LGSN: variants seen among roughly 807,000 people sequenced by gnomAD.
The protein encoded by LGSN is lengsin, lens protein with glutamine synthetase domain, also known as lengsin.
LGSN carries 21 observed loss-of-function variants against 19.5 expected under a neutral mutation model. That is an observed-to-expected ratio of 1.07 (90% confidence interval 0.76 to 1.55). LGSN has a LOEUF of 1.55. LGSN is among the 40% of genes most tolerant of loss of function. LGSN has a pLI of 0.00. For synonymous variants in LGSN, 257 were observed against 215.6 expected, an observed-to-expected ratio of 1.19 and a Z score of -1.68; for missense variants, 673 against 608.5, an observed-to-expected ratio of 1.11 and a Z score of -1.12.
the LGSN span, among the ~76,000 whole-genome samples, chr6:63,415,955 T>A: frequency 6.6e-6 from 1 of 152,182 alleles, no homozygotes; most frequent in Admixed American, 6.6e-5. Context: ...GGCCATTCAT[T>A]GATCTAATAG....
At chr6:63,512,073 G>A in the LGSN span, among the ~76,000 whole-genome samples, 8 of 138,206 alleles carry the variant, frequency 5.8e-5, no homozygotes, top group African/African-American at 8.9e-5. Flanking sequence ...TCTTTCCTTC[G>A]CTCCATGTTC....
the LGSN span, among the ~76,000 whole-genome samples, chr6:63,399,514 C>T: frequency 6.6e-6 from 1 of 151,522 alleles, no homozygotes; most frequent in South Asian, 2.1e-4. Context: ...CCTGCCTCAG[C>T]CTCCTGAGTA....
the LGSN span, among the ~76,000 whole-genome samples, chr6:63,340,842 G>T: frequency 2.7e-5 from 4 of 149,440 alleles, no homozygotes; most frequent in African/African-American, 1.0e-4. Context: ...TATGGTTTGT[G>T]TGTGTGTGTG....
chr6:63,407,571 T>G, the LGSN span, among the ~76,000 whole-genome samples: 1 of 152,140 alleles, frequency 6.6e-6, no homozygotes, highest in Non-Finnish European at 1.5e-5. Flanking sequence ...ACAGCCAATA[T>G]CATACTGAAT....
the LGSN span, among the ~76,000 whole-genome samples, chr6:63,438,715 G>A: frequency 1.3e-5 from 2 of 152,212 alleles, no homozygotes; most frequent in Admixed American, 6.5e-5. Context: ...ACAGGTGCTG[G>A]AGAGGATGTG....
At chr6:63,450,580 T>C in the LGSN span, among the ~76,000 whole-genome samples, 1 of 151,242 alleles carries the variant, frequency 6.6e-6, no homozygotes, top group East Asian at 1.9e-4. Context: ...AAATAATTTT[T>C]TAAAAAACGT....
At chr6:63,407,770 C>T in the LGSN span, among the ~76,000 whole-genome samples, 2 of 152,210 alleles carry the variant, frequency 1.3e-5, no homozygotes, top group East Asian at 1.9e-4. Context: ...GATTGTATAT[C>T]TAGAAAACCC....
the LGSN span, among the ~76,000 whole-genome samples, chr6:63,432,407 C>T: frequency 6.6e-6 from 1 of 151,848 alleles, no homozygotes; most frequent in African/African-American, 2.4e-5. Context: ...ATAAATTTTT[C>T]TAGGCTGAGC....
the LGSN span, among the ~76,000 whole-genome samples, chr6:63,523,596 T>C: frequency 6.6e-6 from 1 of 152,200 alleles, no homozygotes; most frequent in African/African-American, 2.4e-5. Context: ...TCCATGTCAA[T>C]CTACTATAAG....
the LGSN span, among the ~76,000 whole-genome samples, chr6:63,363,240 G>A: frequency 1.6e-4 from 24 of 152,320 alleles, no homozygotes; most frequent in African/African-American, 5.1e-4. Flanking sequence ...CACAAAGATG[G>A]AGAGAAACCA....
the LGSN span, among the ~76,000 whole-genome samples, chr6:63,335,668 T>C: frequency 2.0e-5 from 3 of 151,962 alleles, no homozygotes; most frequent in Non-Finnish European, 4.4e-5. Context: ...ATAAATAACA[T>C]GTTGAAGAGA....
the LGSN span, among the ~76,000 whole-genome samples, chr6:63,406,257 A>G: frequency 3.3e-5 from 5 of 152,300 alleles, no homozygotes; most frequent in South Asian, 8.3e-4. Flanking sequence ...CCTATTCCAA[A>G]AGTGACCACG....
At chr6:63,419,626 C>T in the LGSN span, among the ~76,000 whole-genome samples, 2 of 152,032 alleles carry the variant, frequency 1.3e-5, no homozygotes, top group African/African-American at 4.8e-5. Context: ...GGGTGGCTCA[C>T]GCCTGTAATC....
the LGSN span, among the ~76,000 whole-genome samples, chr6:63,457,920 A>G: frequency 6.6e-6 from 1 of 152,162 alleles, no homozygotes; most frequent in Admixed American, 6.5e-5. Flanking sequence ...AATTCAAATC[A>G]GATTTAACTA....
chr6:63,505,633 G>GAAATAAAT, the LGSN span, among the ~76,000 whole-genome samples: 1,616 of 97,216 alleles, frequency 0.017, 197 homozygotes, highest in African/African-American at 0.034. Context: ...AAGAAAGAAA[G>GAAATAAAT]AAATTCTGGC....
the LGSN span, among the ~76,000 whole-genome samples, chr6:63,562,207 T>TC: frequency 6.6e-6 from 1 of 151,444 alleles, no homozygotes; most frequent in East Asian, 1.9e-4. Flanking sequence ...TTTTCTTTTT[T>TC]TTTTTTTTTG....
the LGSN span, chr6:63,572,838 C>T: frequency 2.5e-5 from 10 of 394,820 alleles, no homozygotes; most frequent in African/African-American, 1.9e-4. Context: ...GTTGCGGTTC[C>T]GGTGGGTCCC....
intron 2 of LGSN, among the ~76,000 whole-genome samples, chr6:63,287,402 T>C (rs1275418041): frequency 3.9e-5 from 6 of 152,110 alleles, no homozygotes; most frequent in Admixed American, 2.6e-4. Flanking sequence ...TTTTAAAATA[T>C]GGAAATTTGG....
chr6:63,412,486 G>GAAAGAAAGAAAGAAAGAAAC, the LGSN span, among the ~76,000 whole-genome samples: 50 of 57,652 alleles, frequency 8.7e-4, 2 homozygotes, highest in African/African-American at 4.7e-3. Flanking sequence ...AGAAAGAGAA[G>GAAAGAAAGAAAGAAAGAAAC]AAAGAAAGAA....
Sources: gnomAD v4.1 joint callset for allele counts (sites outside exome capture counted in the v4.1 genomes callset) on GRCh38, gnomAD v4.1.1 for gene constraint, MANE v1.5 for transcripts, NCBI Gene and HGNC (gene_info 2026-07-23, HGNC 2026-07-21) for gene names.